The following P3H2 variants were observed in gnomAD, a reference collection of about 807,000 sequenced individuals.
P3H2 encodes leprecan-like 1.
Under a neutral mutation model 87.0 loss-of-function variants are expected in P3H2, and 80 were observed. That is an observed-to-expected ratio of 0.92 (90% CI 0.77 to 1.11). The LOEUF is 1.11. Ranked by LOEUF, P3H2 falls within the 50% of genes least tolerant of loss-of-function variation. The probability of loss-of-function intolerance (pLI) is 0.00; values close to 1 mark genes in which losing one functional copy is unlikely to be tolerated. For missense variants in P3H2, 1,001 were observed against 923.9 expected (o/e 1.08, Z -1.08); for synonymous variants, 367 against 359.3 (o/e 1.02, Z -0.24).
chr3:190,019,672 G>C (rs1225075383), intron 1 of P3H2, among the ~76,000 whole-genome samples: 4 of 111,158 alleles, frequency 3.6e-5, no homozygotes, highest in Non-Finnish European at 8.1e-5. Context: ...CCCCCCTCCT[G>C]TCAAAAGCCT....
At chr3:190,035,664 C>A (rs528835013) in intron 1 of P3H2, among the ~76,000 whole-genome samples, 6 of 152,068 alleles carry the variant, frequency 3.9e-5, no homozygotes, top group Non-Finnish European at 8.8e-5. Context: ...TTATCATGTC[C>A]TTTGCCTTAA....
chr3:190,056,463 C>G (rs1174116914), intron 1 of P3H2, among the ~76,000 whole-genome samples: 2 of 152,142 alleles, frequency 1.3e-5, no homozygotes, highest in Non-Finnish European at 2.9e-5. Context: ...GAAAAATATG[C>G]AGTTTTAAAT....
At chr3:190,038,486 G>GAAAAAAAA (rs57971408) in intron 1 of P3H2, among the ~76,000 whole-genome samples, 4 of 92,602 alleles carry the variant, frequency 4.3e-5, no homozygotes, top group Non-Finnish European at 6.5e-5. Context: ...ACTGCAGAAT[G>GAAAAAAAA]AAAAAAAAAA....
At chr3:189,998,843 G>T (rs764877177) in intron 1 of P3H2, among the ~76,000 whole-genome samples, 1 of 152,122 alleles carries the variant, frequency 6.6e-6, no homozygotes, top group African/African-American at 2.4e-5. Context: ...GATAGTTTCA[G>T]AATTAAACTG....
intron 1 of P3H2, among the ~76,000 whole-genome samples, chr3:190,001,086 T>C (rs1180563573): frequency 6.6e-6 from 1 of 152,204 alleles, no homozygotes; most frequent in Non-Finnish European, 1.5e-5. Context: ...TCTAACAATG[T>C]TTCTCAATTC....
At chr3:189,973,511 CTTTTTTTTTTTTTTTTT>C (rs869099221) in intron 10 of P3H2, among the ~76,000 whole-genome samples, 4 of 35,462 alleles carry the variant, frequency 1.1e-4, no homozygotes, top group Admixed American at 1.0e-3. Context: ...TTCTTTCTTT[CTTTTTTTTTTTTTTTTT>C]TTTTTTTTTT....
At chr3:190,068,223 T>G (rs1159164365) in intron 1 of P3H2, among the ~76,000 whole-genome samples, 1 of 152,204 alleles carries the variant, frequency 6.6e-6, no homozygotes, top group Non-Finnish European at 1.5e-5. Flanking sequence ...AGCAAACATT[T>G]GAAAGGACCT....
At chr3:190,088,371 A>T (rs943237654) in intron 1 of P3H2, among the ~76,000 whole-genome samples, 16 of 152,232 alleles carry the variant, frequency 1.1e-4, no homozygotes, top group Admixed American at 9.8e-4. Flanking sequence ...CAGGTTATTC[A>T]TTAAGCTCAA....
intron 1 of P3H2, among the ~76,000 whole-genome samples, chr3:190,050,618 T>C (rs997669629): frequency 1.3e-5 from 2 of 152,166 alleles, no homozygotes; most frequent in African/African-American, 4.8e-5. Flanking sequence ...TACAGTTCTA[T>C]ATCTGTATGA....
At chr3:190,102,153 A>C (rs1711650690) in intron 1 of P3H2, among the ~76,000 whole-genome samples, 1 of 152,238 alleles carries the variant, frequency 6.6e-6, no homozygotes, top group Non-Finnish European at 1.5e-5. Context: ...GATGGAGGCG[A>C]ACAAAGAGAT....
intron 7 of P3H2, chr3:189,983,551 A>G (rs1227377805): frequency 6.1e-6 from 1 of 164,218 alleles, no homozygotes; most frequent in Non-Finnish European, 1.3e-5. Flanking sequence ...GTTCTTGACT[A>G]TTGTGAAAAG....
intron 1 of P3H2, among the ~76,000 whole-genome samples, chr3:190,110,419 T>C (rs1363886952): frequency 6.6e-6 from 1 of 152,190 alleles, no homozygotes; most frequent in Non-Finnish European, 1.5e-5. Context: ...AAATGCTTAT[T>C]GACCTGAAAA....
intron 1 of P3H2, among the ~76,000 whole-genome samples, chr3:190,022,039 A>T (rs1309352163): frequency 7.4e-6 from 1 of 135,170 alleles, no homozygotes; most frequent in Non-Finnish European, 1.7e-5. Context: ...GATAAAAATA[A>T]TGTTCTTCTA....
intron 1 of P3H2, among the ~76,000 whole-genome samples, chr3:190,033,114 C>T (rs1196821993): frequency 6.6e-6 from 1 of 152,196 alleles, no homozygotes. Flanking sequence ...ATAGCGCTCG[C>T]GCTCCTAAGA....
chr3:189,970,506 G>A (rs1381707149), intron 13 of P3H2, among the ~76,000 whole-genome samples: 1 of 151,700 alleles, frequency 6.6e-6, no homozygotes. Flanking sequence ...ACGTTCTTAC[G>A]TTTCCATCAG....
At chr3:190,043,924 G>A (rs1262983579) in intron 1 of P3H2, among the ~76,000 whole-genome samples, 1 of 152,102 alleles carries the variant, frequency 6.6e-6, no homozygotes, top group Non-Finnish European at 1.5e-5. Flanking sequence ...TGAAATAGGA[G>A]TTTTATAGTG....
At chr3:190,087,303 G>A (rs891906107) in intron 1 of P3H2, among the ~76,000 whole-genome samples, 9 of 152,180 alleles carry the variant, frequency 5.9e-5, no homozygotes, top group South Asian at 2.1e-4. Flanking sequence ...TTGGGAGGCC[G>A]AGGAGGGCAA....
rs1363424549 is a variant in P3H2 at position 189,973,134 on chromosome 3, C to G, written c.1549-110G>C. ...TATAGGATTGTCATGTCTGTATTGA[C>G]TAATGGGGAAGGCTACTACATATTT... On this transcript the variant is annotated intron_variant, in intron 10 of 14. Transcript: ENST00000319332. 7.5e-6 allele frequency: 7 copies of G among 937,942 alleles called. No homozygotes were observed. In the East Asian group the frequency reaches 1.8e-4, roughly 24 times the overall value. The allele number at this position is 937,942 out of a possible 1,614,324, so 58.1% of individuals were successfully genotyped here. A position where few individuals can be genotyped will look rare whatever the true frequency, so the allele number is the denominator to read the frequency against.
At chr3:190,032,157 GA>G (rs1725274613) in intron 1 of P3H2, among the ~76,000 whole-genome samples, 1 of 152,154 alleles carries the variant, frequency 6.6e-6, no homozygotes, top group Admixed American at 6.5e-5. Flanking sequence ...TTCTGAAGTG[GA>G]TTTTTATAAA....
Sources: allele counts gnomAD v4.1 joint callset (sites outside exome capture counted in the v4.1 genomes callset), GRCh38; gene constraint gnomAD v4.1.1; transcripts MANE v1.5; gene names NCBI Gene and HGNC (gene_info 2026-07-23, HGNC 2026-07-21).